Variants in SLC24A3 observed in about 807,000 individuals in gnomAD.
The protein encoded by SLC24A3 is solute carrier family 24 member 3, also known as sodium/potassium/calcium exchanger 3.
A neutral mutation model predicts 75.8 loss-of-function variants in SLC24A3; 28 were observed. The ratio of observed to expected loss-of-function variants is 0.37; its 90% confidence interval spans 0.27 to 0.51. The LOEUF is 0.51. Ranked by LOEUF, SLC24A3 falls within the 20% of genes least tolerant of loss-of-function variation. SLC24A3 has a pLI of 0.94. For missense variants in SLC24A3, 663 were observed against 847.8 expected (o/e 0.78, Z 2.71); for synonymous variants, 372 against 334.1 (o/e 1.11, Z -1.24).
At chr20:19,324,571 C>T (rs1984793792) in intron 2 of SLC24A3, among the ~76,000 whole-genome samples, 1 of 152,170 alleles carries the variant, frequency 6.6e-6, no homozygotes, top group Non-Finnish European at 1.5e-5. Flanking sequence ...TTGGCCTCAG[C>T]CACGCTTCTC....
At chr20:19,427,874 G>A (rs939251512) in intron 2 of SLC24A3, among the ~76,000 whole-genome samples, 5 of 152,180 alleles carry the variant, frequency 3.3e-5, no homozygotes, top group Non-Finnish European at 7.3e-5. Flanking sequence ...TTTATGTTTC[G>A]CTCTGTGTAT....
chr20:19,626,837 A>G (rs1181352035), intron 6 of SLC24A3, among the ~76,000 whole-genome samples: 2 of 152,178 alleles, frequency 1.3e-5, no homozygotes, highest in South Asian at 2.1e-4. Context: ...ATTACTGACA[A>G]TATACCTATT....
chr20:19,485,709 G>A (rs1306318150), intron 2 of SLC24A3, among the ~76,000 whole-genome samples: 1 of 152,144 alleles, frequency 6.6e-6, no homozygotes, highest in African/African-American at 2.4e-5. Flanking sequence ...GCTCCTTGAA[G>A]GGCCTCTGAT....
chr20:19,491,483 CA>C (rs1425613780), intron 2 of SLC24A3, among the ~76,000 whole-genome samples: 4 of 152,152 alleles, frequency 2.6e-5, no homozygotes, highest in African/African-American at 9.7e-5. Context: ...CAGAAATGAC[CA>C]ACCCTTGTCC....
rs1311487523 is a variant in SLC24A3, at chr20:19,570,506, AT to A, written c.349-9492del. The stretch of plus-strand genomic sequence containing the variant: ...TGGAGATCCCTGGGCCCCAACCCAG[AT>A]TGCTAAATAGATCTTCTGGAGTGAT... On this transcript the variant is annotated intron_variant, in intron 3 of 16. Transcript: ENST00000328041. Among the ~76,000 whole-genome samples the A allele has an allele frequency of 3.9e-5, 6 of 152,158 alleles. No homozygotes were observed. In the East Asian group the frequency reaches 1.2e-3, roughly 29 times the overall value.
intron 7 of SLC24A3, among the ~76,000 whole-genome samples, chr20:19,661,661 A>G (rs1000033106): frequency 1.3e-5 from 2 of 152,210 alleles, no homozygotes; most frequent in South Asian, 2.1e-4. Context: ...TGATTACAAT[A>G]CATGCTATGA....
chr20:19,516,186 C>T (rs2029984110), intron 3 of SLC24A3, among the ~76,000 whole-genome samples: 1 of 152,200 alleles, frequency 6.6e-6, no homozygotes, highest in Non-Finnish European at 1.5e-5. Context: ...TTACTTTCCA[C>T]CACTGCCCAG....
intron 2 of SLC24A3, among the ~76,000 whole-genome samples, chr20:19,332,335 G>T (rs1431750694): frequency 6.6e-6 from 1 of 152,102 alleles, no homozygotes; most frequent in Non-Finnish European, 1.5e-5. Flanking sequence ...AGGGAGCAAG[G>T]CAGCTCCCTG....
At chr20:19,661,480 A>G (rs2032325398) in intron 7 of SLC24A3, among the ~76,000 whole-genome samples, 1 of 152,154 alleles carries the variant, frequency 6.6e-6, no homozygotes, top group African/African-American at 2.4e-5. Context: ...AAGAAGTGAG[A>G]ACTACACCCA....
chr20:19,465,456 T>C (rs1292458333), intron 2 of SLC24A3, among the ~76,000 whole-genome samples: 1 of 151,786 alleles, frequency 6.6e-6, no homozygotes, highest in African/African-American at 2.4e-5. Flanking sequence ...CGTGGTTTGC[T>C]AGAATGCACA....
At chr20:19,639,467 G>A (rs1219862444) in intron 6 of SLC24A3, among the ~76,000 whole-genome samples, 1 of 152,234 alleles carries the variant, frequency 6.6e-6, no homozygotes, top group African/African-American at 2.4e-5. Context: ...TACAAACCTT[G>A]AGCTAGATAC....
chr20:19,681,753 A>T (rs2032617909), intron 9 of SLC24A3, 105 bp from the exon 10 acceptor site: 2 of 1,567,824 alleles, frequency 1.3e-6, no homozygotes, highest in East Asian at 4.5e-5. Context: ...AGGCCTGGTG[A>T]CTGTGCATGC....
At chr20:19,388,872 G>A (rs1354813354) in intron 2 of SLC24A3, among the ~76,000 whole-genome samples, 1 of 151,958 alleles carries the variant, frequency 6.6e-6, no homozygotes, top group Non-Finnish European at 1.5e-5. Context: ...TATATCTAAA[G>A]TACTATCATT....
intron 2 of SLC24A3, among the ~76,000 whole-genome samples, chr20:19,376,772 C>T (rs998918823): frequency 2.7e-4 from 41 of 152,220 alleles, no homozygotes; most frequent in African/African-American, 8.9e-4. Context: ...GAGTTGGCCA[C>T]GAGACAGAGG....
chr20:19,448,400 AAC>A lies in SLC24A3; in HGVS notation c.272-67084_272-67083del, dbSNP rs1987422616. ...TATAATTCACATTTTTCAATGTGCA[AAC>A]ACAACCTTGAGTTTCAGAGAAGGTC... On this transcript the variant is annotated intron_variant, in intron 2 of 16. Transcript: ENST00000328041. 2.0e-5 allele frequency among the ~76,000 whole-genome samples: 3 copies of A among 152,356 alleles called. No individual in the cohort carries two copies. In the South Asian group the frequency reaches 6.2e-4, roughly 32 times the overall value.
At chr20:19,668,802 C>G (rs1036561052) in intron 8 of SLC24A3, among the ~76,000 whole-genome samples, 26 of 152,228 alleles carry the variant, frequency 1.7e-4, no homozygotes, top group Admixed American at 4.6e-4. Flanking sequence ...ATTTTTCTTA[C>G]TATCAGTGCC....
In SLC24A3 at chr20:19,634,184, G is replaced by A. The variant is rs946416067; in HGVS notation, c.613-19878G>A. Among the ~76,000 whole-genome samples, 5 of 152,090 alleles carry A rather than the reference G, an allele frequency of 3.3e-5. No homozygotes were observed. In the South Asian group the frequency reaches 1.0e-3, roughly 32 times the overall value. On this transcript the variant is annotated intron_variant, in intron 6 of 16. Coordinates refer to ENST00000328041, the MANE Select transcript of SLC24A3 (RefSeq NM_020689.4). ...AGTGGTGTTTATGTGCTATTTAAAGGGAAGCTGCCTATCTCTTTGAAATGC... is the reference window on the plus strand; with the variant it reads ...AGTGGTGTTTATGTGCTATTTAAAGAGAAGCTGCCTATCTCTTTGAAATGC...
At chr20:19,213,936 GAAACAAAACA>G (rs371023924) in intron 1 of SLC24A3, among the ~76,000 whole-genome samples, 1 of 152,150 alleles carries the variant, frequency 6.6e-6, no homozygotes. Flanking sequence ...TTGTGAGAAA[GAAACAAAACA>G]AAACAAAACA....
At chr20:19,680,062 CTG>C (rs1260988967) in intron 9 of SLC24A3, among the ~76,000 whole-genome samples, 2 of 147,122 alleles carry the variant, frequency 1.4e-5, no homozygotes, top group African/African-American at 2.5e-5. Context: ...TGTCTGTGTG[CTG>C]TGTGTCTGTG....
Sources: allele counts gnomAD v4.1 joint callset (sites outside exome capture counted in the v4.1 genomes callset), GRCh38; gene constraint gnomAD v4.1.1; transcripts MANE v1.5; gene names NCBI Gene and HGNC (gene_info 2026-07-23, HGNC 2026-07-21).